Variants in PDE6B observed in about 807,000 individuals in gnomAD.
PDE6B encodes phosphodiesterase 6B.
Under a neutral mutation model 109.0 loss-of-function variants are expected in PDE6B, and 106 were observed. That is an observed-to-expected ratio of 0.97 (90% confidence interval 0.83 to 1.14). The LOEUF (loss-of-function observed/expected upper bound fraction) is 1.14, where lower values mean the gene tolerates loss of function less well. Ranked by LOEUF, PDE6B falls within the 50% of genes most tolerant of loss-of-function variation. The probability of loss-of-function intolerance (pLI) is 0.00; values close to 1 mark genes in which losing one functional copy is unlikely to be tolerated. For synonymous variants in PDE6B, 490 were observed against 471.3 expected (o/e 1.04, Z -0.51); for missense variants, 1,193 against 1,155.6 (o/e 1.03, Z -0.47).
chr4:663,129 G>C lies in PDE6B; in HGVS notation c.1862G>C (p.Gly621Ala). 1 of 1,612,182 alleles carries C rather than the reference G, an allele frequency of 6.2e-7. No individual in the cohort carries two copies. Among genetic ancestry groups the C allele is most frequent in the Non-Finnish European group, 8.5e-7 (1 of 1,178,318 alleles). Reference sequence around the variant, plus strand: ...CAGAACCCCTTGGCTAAGCTCCACGGCTCCTCGATTTTGGAGCGGCACCAC... The same window carrying C: ...CAGAACCCCTTGGCTAAGCTCCACGCCTCCTCGATTTTGGAGCGGCACCAC... Reference protein sequence around the residue: ...KSQNPLAKLHGSSILERHHLE... With the variant: ...KSQNPLAKLHASSILERHHLE... Residue 621 changes from glycine (G) to alanine (A), a missense_variant, in exon 15 of 22, where the codon GGC becomes GCC. Gly to Ala is a moderately conservative substitution (Grantham distance 60). Coordinates refer to ENST00000496514, the MANE Select transcript of PDE6B (RefSeq NM_000283.4). The surrounding 1 kb of genome is among the most constrained non-coding windows in gnomAD (Gnocchi z 4.0).
intron 3 of PDE6B, among the ~76,000 whole-genome samples, chr4:640,408 G>A (rs556963879): frequency 4.6e-4 from 70 of 152,008 alleles, no homozygotes; most frequent in Admixed American, 1.2e-3. Flanking sequence ...GCATGGTGGC[G>A]GGCACCTGTA....
At chr4:661,260 C>T (rs1274828206) in intron 12 of PDE6B, 2 of 152,518 alleles carry the variant, frequency 1.3e-5, no homozygotes, top group Non-Finnish European at 2.9e-5. Flanking sequence ...TCATTAGGCA[C>T]ATCATCTGGC....
chr4:670,640 T>G lies in PDE6B; in HGVS notation c.*533T>G, dbSNP rs1324708752. On this transcript the variant is annotated 3_prime_UTR_variant, in exon 22 of 22. Coordinates refer to ENST00000496514, the MANE Select transcript of PDE6B (RefSeq NM_000283.4). ...CTGGGAGACCTTTGAAAAGGGTCCA[T>G]GAACTCTGAAATCACTGAGAACATT... 1 of 177,580 alleles carries G rather than the reference T, an allele frequency of 5.6e-6. No homozygotes were observed. Among genetic ancestry groups the G allele is most frequent in the Non-Finnish European group, 1.2e-5 (1 of 82,180 alleles). The allele number at this position is 177,580 out of a possible 1,614,324, so 11.0% of individuals were successfully genotyped here.
intron 2 of PDE6B, among the ~76,000 whole-genome samples, chr4:635,571 CCCTG>C (rs1174265312): frequency 2.1e-5 from 3 of 146,184 alleles, no homozygotes; most frequent in Admixed American, 1.4e-4. Context: ...GCGTCTGCCT[CCCTG>C]CCTGCCTGCC....
In PDE6B at chr4:665,319, A is replaced by C. The variant is rs1737672604; in HGVS notation, c.2258A>C (p.Gln753Pro). Residue 753 changes from glutamine (Q) to proline (P), a missense_variant, in exon 19 of 22, where the codon CAG becomes CCG. Gln to Pro is a moderately conservative substitution (Grantham distance 76). Coordinates refer to ENST00000496514, the MANE Select transcript of PDE6B (RefSeq NM_000283.4). The surrounding 1 kb of genome is among the most constrained non-coding windows in gnomAD (Gnocchi z 4.0). ...GACTTGGAAAGGACAGTCTTGGATC[A>C]GCAGCCCATTGTGAGTGCTGCTTCT... ...QGDLERTVLD[Q>P]QPIPMMDRNK... 2 of 1,611,220 alleles carry C rather than the reference A, an allele frequency of 1.2e-6. No homozygotes were observed. Among genetic ancestry groups the C allele is most frequent in the East Asian group, 4.5e-5 (2 of 44,874 alleles).
chr4:634,827 G>A lies in PDE6B; in HGVS notation c.619G>A (p.Asp207Asn). 1 of 1,613,898 alleles carries A rather than the reference G, an allele frequency of 6.2e-7. No individual in the cohort carries two copies. The highest frequency in any genetic ancestry group is 1.1e-5 in the South Asian group (1 of 91,076). ...NGPFFTSEDE[D>N]VFLKYLNFAT... Reference sequence around the variant, plus strand: ...CCCATTCTTCACCAGCGAAGACGAAGATGTGAGTGTGGGGGGCACCTGGGC... The same window carrying A: ...CCCATTCTTCACCAGCGAAGACGAAAATGTGAGTGTGGGGGGCACCTGGGC... The change falls in exon 2 of 22, where the codon GAT (aspartate) becomes AAT (asparagine). Residue 207 changes from aspartate to asparagine, a missense_variant and splice_region_variant. Physicochemically the swap from Asp to Asn is conservative, Grantham distance 23. Coordinates refer to ENST00000496514, the MANE Select transcript of PDE6B (RefSeq NM_000283.4).
intron 2 of PDE6B, 63 bp from the exon 3 acceptor site, chr4:635,817 C>T: frequency 1.1e-6 from 1 of 882,852 alleles, no homozygotes; most frequent in South Asian, 1.3e-5. Flanking sequence ...CTGCAAAATA[C>T]CCACGGGGGC....
chr4:629,170 A>T (rs891061514), intron 1 of PDE6B, among the ~76,000 whole-genome samples: 1 of 152,218 alleles, frequency 6.6e-6, no homozygotes, highest in African/African-American at 2.4e-5. Context: ...AAGGAAGCAC[A>T]GGTCGGGTGC....
chr4:656,797 G>A (rs1736314134), intron 8 of PDE6B, 77 bp from the exon 9 acceptor site: 3 of 1,378,278 alleles, frequency 2.2e-6, no homozygotes, highest in South Asian at 1.2e-5. Context: ...GAAGACATGA[G>A]GTCACTCTCC....
intron 1 of PDE6B, among the ~76,000 whole-genome samples, chr4:632,184 G>A (rs1490680887): frequency 6.6e-6 from 1 of 151,666 alleles, no homozygotes; most frequent in African/African-American, 2.4e-5. Context: ...GCTGTGATCT[G>A]TGTGGCACCA....
chr4:640,902 T>G (rs1014621417), intron 3 of PDE6B, among the ~76,000 whole-genome samples: 1 of 152,244 alleles, frequency 6.6e-6, no homozygotes, highest in African/African-American at 2.4e-5. Flanking sequence ...TTGTATGTGT[T>G]TATTCATTCA....
Position 666,427 on chromosome 4 carries a change from G to T in PDE6B, c.2269-104G>T. ...CTGTCAGGCAGGCTCGTCCCAGGCTGTGTCTCCATGAGCACATCTGAGTGA... is the reference window on the plus strand; with the variant it reads ...CTGTCAGGCAGGCTCGTCCCAGGCTTTGTCTCCATGAGCACATCTGAGTGA... On this transcript the variant is annotated intron_variant, in intron 19 of 21. Coordinates refer to ENST00000496514, the MANE Select transcript of PDE6B (RefSeq NM_000283.4). The surrounding 1 kb of genome is among the most constrained non-coding windows in gnomAD (Gnocchi z 5.6). The T allele has an allele frequency of 1.3e-6, 1 of 786,758 alleles. No individual in the cohort carries two copies. The highest frequency in any genetic ancestry group is 2.3e-6 in the Non-Finnish European group (1 of 438,296). 48.7% of individuals were successfully genotyped at this position (786,758 alleles called of 1,614,324 possible). A position where few individuals can be genotyped will look rare whatever the true frequency, so the allele number is the denominator to read the frequency against.
chr4:631,570 T>C (rs1242927307), intron 1 of PDE6B, among the ~76,000 whole-genome samples: 1 of 151,794 alleles, frequency 6.6e-6, no homozygotes, highest in Non-Finnish European at 1.5e-5. Context: ...TGTCTGAGGG[T>C]TATGTTGCGT....
At position 666,732 on chromosome 4, in the gene PDE6B, G is replaced by A; in HGVS notation, c.2352+118G>A. On this transcript the variant is annotated intron_variant, in intron 20 of 21. Coordinates refer to ENST00000496514, the MANE Select transcript of PDE6B (RefSeq NM_000283.4). The surrounding 1 kb of genome is among the most constrained non-coding windows in gnomAD (Gnocchi z 5.6). ...GCCCGGCGGTGTCCTCACTGGAGTA[G>A]GGATGCCAGTGCCAGCTTCGTGCCG... 1.4e-6 allele frequency: 1 copy of A among 734,246 alleles called. No homozygotes were observed. Among genetic ancestry groups the A allele is most frequent in the Non-Finnish European group, 2.5e-6 (1 of 399,444 alleles). 45.5% of individuals were successfully genotyped at this position (734,246 alleles called of 1,614,324 possible).
Position 664,151 on chromosome 4 carries a change from A to G in PDE6B, c.2059A>G (p.Lys687Glu). The change falls in exon 17 of 22, where the codon AAG (lysine) becomes GAG (glutamate). Residue 687 changes from lysine (K) to glutamate (E), a missense_variant. Transcript: ENST00000496514. ...AMFQKIVDESKNYQDKKSWVE... is the reference protein window; with the variant it reads ...AMFQKIVDESENYQDKKSWVE... ...GTTTCAGAAGATCGTGGATGAGTCC[A>G]AGAACTACCAGGACAAGAAGAGCTG... The G allele has an allele frequency of 6.2e-7, 1 of 1,612,256 alleles. No individual in the cohort carries two copies. The highest frequency in any genetic ancestry group is 8.5e-7 in the Non-Finnish European group (1 of 1,178,528).
At position 664,151 on chromosome 4, in the gene PDE6B, A is replaced by C; in HGVS notation, c.2059A>C (p.Lys687Gln). The C allele has an allele frequency of 6.2e-7, 1 of 1,612,256 alleles. No homozygotes were observed. The highest frequency in any genetic ancestry group is 8.5e-7 in the Non-Finnish European group (1 of 1,178,528). ...AMFQKIVDES[K>Q]NYQDKKSWVE... ...GTTTCAGAAGATCGTGGATGAGTCC[A>C]AGAACTACCAGGACAAGAAGAGCTG... The change falls in exon 17 of 22, where the codon AAG becomes CAG. Residue 687 changes from lysine (K) to glutamine (Q), a missense_variant. Lys to Gln is a moderately conservative substitution (Grantham distance 53). Transcript: ENST00000496514.
At position 662,698 on chromosome 4, in the gene PDE6B, G is replaced by A. The variant is rs1737255018; in HGVS notation, c.1832+80G>A. 5 of 931,058 alleles carry A rather than the reference G, an allele frequency of 5.4e-6. No individual in the cohort carries two copies. The highest frequency in any genetic ancestry group is 8.8e-6 in the Non-Finnish European group (5 of 566,248). 57.7% of individuals were successfully genotyped at this position (931,058 alleles called of 1,614,324 possible). A position where few individuals can be genotyped will look rare whatever the true frequency, so the allele number is the denominator to read the frequency against. On this transcript the variant is annotated intron_variant, in intron 14 of 21. Transcript: ENST00000496514. The surrounding 1 kb of genome is among the most constrained non-coding windows in gnomAD (Gnocchi z 4.3). ...GGCGTGAATTAGGCTTCGCATAGCA[G>A]GCTATGTAGAAAGTGGAGTCCACGG...
intron 1 of PDE6B, among the ~76,000 whole-genome samples, chr4:629,387 G>A (rs1276473760): frequency 1.3e-5 from 2 of 152,194 alleles, no homozygotes; most frequent in African/African-American, 4.8e-5. Flanking sequence ...GCTCGGCCAC[G>A]GCCACCAAGT....
In PDE6B at chr4:655,989, G is replaced by A. The variant is rs780144677; in HGVS notation, c.1042G>A (p.Val348Met). Residue 348 changes from valine to methionine, a missense_variant, in exon 7 of 22, where the codon GTG becomes ATG. Val to Met is a conservative substitution (Grantham distance 21, BLOSUM62 1). Coordinates refer to ENST00000496514, the MANE Select transcript of PDE6B (RefSeq NM_000283.4). ...WALASGLPSY[V>M]AESGFICNIM... ...CCTGGCCAGCGGCCTTCCAAGCTAC[G>A]TGGCAGAAAGCGGCTTTGTGAGTCC... 3.1e-6 allele frequency: 5 copies of A among 1,607,850 alleles called. No individual in the cohort carries two copies. Among genetic ancestry groups the A allele is most frequent in the South Asian group, 1.1e-5 (1 of 90,982 alleles).
Sources: gnomAD v4.1 joint callset for allele counts (sites outside exome capture counted in the v4.1 genomes callset) on GRCh38, gnomAD v4.1.1 for gene constraint, Gnocchi (gnomAD v3.1) non-coding constraint, MANE v1.5 for transcripts, NCBI Gene and HGNC (gene_info 2026-07-23, HGNC 2026-07-21) for gene names.